Variants in STARD7 observed in about 807,000 individuals in gnomAD.
STARD7 encodes StAR related lipid transfer domain containing 7, also known as stAR-related lipid transfer protein 7, mitochondrial.
A neutral mutation model predicts 45.3 loss-of-function variants in STARD7; 30 were observed. The observed-to-expected ratio is 0.66, with a 90% CI of 0.50 to 0.90. STARD7 has a LOEUF of 0.90. STARD7 is among the 40% of genes least tolerant of loss of function. STARD7 has a pLI of 0.00. For synonymous variants in STARD7, 199 were observed against 183.0 expected (o/e 1.09, Z -0.70); for missense variants, 495 against 491.3 (o/e 1.01, Z -0.07).
At position 96,208,373 on chromosome 2, in the gene STARD7, G is replaced by C. The variant is rs1354724716; in HGVS notation, c.62C>G (p.Ala21Gly). ...GAAGCGGCACTGATTGGCCAGAAGC[G>C]CCAGCAGGCCCCCGCCCCGCGTCCC... is the stretch of plus-strand genomic sequence containing the variant. ...LAGTRGGGLL[A>G]LLANQCRFVT... is the part of the protein sequence containing the mutation. The change falls in exon 1 of 8, where the codon GCG (alanine) becomes GGG (glycine). Residue 21 changes from alanine to glycine, a missense_variant. Transcript: ENST00000337288. 1 of 1,525,522 alleles carries C rather than the reference G, an allele frequency of 6.6e-7. No individual in the cohort carries two copies. 94.5% of individuals were successfully genotyped at this position (1,525,522 alleles called of 1,614,324 possible).
chr2:96,195,003 A>T lies in STARD7; in HGVS notation c.504T>A (p.Phe168Leu). Reference sequence around the variant, plus strand: ...GAGGTGTCACATCTGTGTAGGTTCCAAAAACTAGAATGAAAAGAAAGAATA... The same window carrying T: ...GAGGTGTCACATCTGTGTAGGTTCCTAAAACTAGAATGAAAAGAAAGAATA... ...TGTHLYQYRV[F>L]GTYTDVTPRQ... Residue 168 changes from phenylalanine to leucine, a missense_variant, in exon 3 of 8, where the codon TTT becomes TTA. By Grantham distance (22) the Phe-to-Leu change is conservative. Coordinates refer to ENST00000337288, the MANE Select transcript of STARD7 (RefSeq NM_020151.4). The T allele has an allele frequency of 6.2e-7, 1 of 1,607,886 alleles. No individual in the cohort carries two copies. The highest frequency in any genetic ancestry group is 8.5e-7 in the Non-Finnish European group (1 of 1,176,910).
At chr2:96,195,077 C>A (rs1322787837) in intron 2 of STARD7, 70 bp from the exon 3 acceptor site, 1 of 1,392,880 alleles carries the variant, frequency 7.2e-7, no homozygotes, top group Non-Finnish European at 1.0e-6. Flanking sequence ...TTTCACCTAG[C>A]GGCGTTTCAG....
At chr2:96,201,923 C>T (rs1230018038) in intron 1 of STARD7, among the ~76,000 whole-genome samples, 1 of 152,146 alleles carries the variant, frequency 6.6e-6, no homozygotes, top group Non-Finnish European at 1.5e-5. Flanking sequence ...TGTTCTAGTC[C>T]TGGCTCTACA....
chr2:96,187,277 A>G lies in STARD7; in HGVS notation c.868T>C (p.Tyr290His). ...AACACCGTTTGGGGATTGTCACTGT[A>G]TGTTAGTAAGTAGTCAAAGCCATTC... ...DENGFDYLLTYSDNPQTVFPR... is the reference protein window; with the variant it reads ...DENGFDYLLTHSDNPQTVFPR... Residue 290 changes from tyrosine to histidine, a missense_variant, in exon 7 of 8, where the codon TAC (tyrosine) becomes CAC (histidine). Physicochemically the swap from Tyr to His is moderately conservative, Grantham distance 83. This residue lies in a region of STARD7 where 213 missense variants were observed against 271.2 expected (regional missense o/e 0.79). Transcript: ENST00000337288. 6.2e-7 allele frequency: 1 copy of G among 1,613,764 alleles called. No individual in the cohort carries two copies. Among genetic ancestry groups the G allele is most frequent in the Non-Finnish European group, 8.5e-7 (1 of 1,179,712 alleles).
intron 6 of STARD7, 72 bp downstream of exon 6, chr2:96,192,297 G>C (rs1247907379): frequency 8.6e-7 from 1 of 1,169,514 alleles, no homozygotes; most frequent in Non-Finnish European, 1.3e-6. Flanking sequence ...CTCCTCCCTA[G>C]TTCAGGTAAG....
intron 1 of STARD7, among the ~76,000 whole-genome samples, chr2:96,195,843 G>A (rs541441366): frequency 5.3e-5 from 8 of 152,144 alleles, no homozygotes; most frequent in African/African-American, 1.4e-4. Context: ...GCTGCAGGGC[G>A]TGGTGGCTCA....
chr2:96,194,519 G>A (rs1042666196), intron 3 of STARD7, among the ~76,000 whole-genome samples: 1 of 152,202 alleles, frequency 6.6e-6, no homozygotes, highest in Non-Finnish European at 1.5e-5. Flanking sequence ...AGGACTACAT[G>A]AAAGTGTTCC....
rs1683399708 is a variant in STARD7, at chr2:96,206,837, C to T, written c.290+1308G>A. ...AAAAAAAAAAAAAGTGGAACACGGA[C>T]ATTTCATCATCAAAAATGAAAATTA... On this transcript the variant is annotated intron_variant, in intron 1 of 7. Coordinates refer to ENST00000337288, the MANE Select transcript of STARD7 (RefSeq NM_020151.4). Among the ~76,000 whole-genome samples, 10 of 146,230 alleles carry T rather than the reference C, an allele frequency of 6.8e-5. No individual in the cohort carries two copies. The South Asian group carries it at 2.2e-3, about 32-fold the overall frequency.
chr2:96,207,570 T>C (rs1464486381), intron 1 of STARD7, among the ~76,000 whole-genome samples: 1 of 152,204 alleles, frequency 6.6e-6, no homozygotes, highest in Non-Finnish European at 1.5e-5. Context: ...AAAGTTCTAG[T>C]TAACGTCGCA....
intron 2 of STARD7, 89 bp from the exon 3 acceptor site, chr2:96,195,096 T>C: frequency 8.6e-7 from 1 of 1,166,130 alleles, no homozygotes. Context: ...AGATCTAAAG[T>C]ACTAAGAGAT....
chr2:96,196,592 G>C (rs537691436), intron 1 of STARD7, among the ~76,000 whole-genome samples: 1 of 152,258 alleles, frequency 6.6e-6, no homozygotes, highest in East Asian at 1.9e-4. Context: ...CTCCCCAGTA[G>C]CTGGGACTAC....
rs551263063 is a variant in STARD7, at chr2:96,190,710, C to T, written c.843+1659G>A. Among the ~76,000 whole-genome samples, 6 of 152,028 alleles carry T rather than the reference C, an allele frequency of 3.9e-5. No homozygotes were observed. In the South Asian group the frequency reaches 8.3e-4, roughly 21 times the overall value. ...AGGCTGGCATGCAGTGGCACAAACACGGCTTAATGCAGCCTTGACCTCCTG... is the reference window on the plus strand; with the variant it reads ...AGGCTGGCATGCAGTGGCACAAACATGGCTTAATGCAGCCTTGACCTCCTG... On this transcript the variant is annotated intron_variant, in intron 6 of 7. Coordinates refer to ENST00000337288, the MANE Select transcript of STARD7 (RefSeq NM_020151.4).
At chr2:96,190,236 C>A (rs1683104589) in intron 6 of STARD7, among the ~76,000 whole-genome samples, 1 of 152,002 alleles carries the variant, frequency 6.6e-6, no homozygotes. Flanking sequence ...GTCAAAGGGG[C>A]TTGAGCCAAC....
At chr2:96,188,949 T>G (rs1301538200) in intron 6 of STARD7, among the ~76,000 whole-genome samples, 3 of 147,194 alleles carry the variant, frequency 2.0e-5, no homozygotes, top group South Asian at 2.2e-4. Context: ...ACTTTGGGTG[T>G]TTTTTTTTTC....
At chr2:96,208,094 T>C in intron 1 of STARD7, 51 bp downstream of exon 1, 2 of 1,481,192 alleles carry the variant, frequency 1.4e-6, no homozygotes, top group Non-Finnish European at 1.8e-6. Context: ...GCCCCAGGGT[T>C]CACAAGCCCC....
intron 3 of STARD7, 149 bp from the exon 4 acceptor site, chr2:96,193,501 A>G (rs1683157931): frequency 9.4e-6 from 6 of 640,660 alleles, no homozygotes; most frequent in Admixed American, 5.5e-5. Context: ...TGTGAGAGAC[A>G]TGGCTGTGTT....
intron 1 of STARD7, among the ~76,000 whole-genome samples, chr2:96,196,130 C>A (rs144452298): frequency 0.023 from 3,183 of 136,914 alleles, 106 homozygotes; most frequent in African/African-American, 0.071. Context: ...AAAAAAAAAA[C>A]AAAAAACAAA....
At chr2:96,199,331 T>C (rs749453797) in intron 1 of STARD7, among the ~76,000 whole-genome samples, 1 of 152,370 alleles carries the variant, frequency 6.6e-6, no homozygotes, top group African/African-American at 2.4e-5. Context: ...CTTTCACTTA[T>C]GTCTTTTTAA....
At chr2:96,207,150 T>A (rs1172405492) in intron 1 of STARD7, among the ~76,000 whole-genome samples, 1 of 152,258 alleles carries the variant, frequency 6.6e-6, no homozygotes, top group South Asian at 2.1e-4. Flanking sequence ...CACAAATAGC[T>A]GCCTGGCATC....
Sources: gnomAD v4.1 joint callset for allele counts (sites outside exome capture counted in the v4.1 genomes callset) on GRCh38, gnomAD v4.1.1 for gene constraint, gnomAD v4.1.1 regional missense constraint, MANE v1.5 for transcripts, NCBI Gene and HGNC (gene_info 2026-07-23, HGNC 2026-07-21) for gene names.